HSD17B12: variants seen among roughly 807,000 people sequenced by gnomAD.
The protein encoded by HSD17B12 is very-long-chain 3-oxoacyl-CoA reductase.
HSD17B12 carries 32 observed loss-of-function variants against 39.3 expected under a neutral mutation model. The ratio of observed to expected loss-of-function variants is 0.81; its 90% CI spans 0.61 to 1.09. The LOEUF (loss-of-function observed/expected upper bound fraction) is 1.09, where lower values mean the gene tolerates loss of function less well. HSD17B12 is among the 50% of genes least tolerant of loss of function. The probability of loss-of-function intolerance (pLI) is 0.00; values close to 1 mark genes in which losing one functional copy is unlikely to be tolerated. For synonymous variants in HSD17B12, 150 were observed against 146.7 expected (o/e 1.02, Z -0.16); for missense variants, 342 against 382.9 (o/e 0.89, Z 0.89).
the HSD17B12 span, among the ~76,000 whole-genome samples, chr11:43,617,496 G>A: frequency 6.6e-6 from 1 of 152,218 alleles, no homozygotes; most frequent in South Asian, 2.1e-4. Flanking sequence ...AGCTCTTCCT[G>A]TGATCTTTGA....
intron 4 of HSD17B12, among the ~76,000 whole-genome samples, chr11:43,800,152 A>G (rs889560193): frequency 6.6e-6 from 1 of 152,240 alleles, no homozygotes; most frequent in Non-Finnish European, 1.5e-5. Context: ...ATAAGTCACC[A>G]CTGACATCTG....
chr11:43,704,674 G>A (rs957431659), intron 1 of HSD17B12, among the ~76,000 whole-genome samples: 6 of 152,134 alleles, frequency 3.9e-5, no homozygotes, highest in African/African-American at 1.4e-4. Flanking sequence ...CATGCATATC[G>A]CAGTTCTGGA....
At chr11:43,854,957 T>C in intron 10 of HSD17B12, 93 bp downstream of exon 10, 2 of 1,300,592 alleles carry the variant, frequency 1.5e-6, no homozygotes, top group South Asian at 1.4e-5. Context: ...GATTAGCACA[T>C]ATACATTGTC....
chr11:43,754,145 G>C (rs1435504794), intron 3 of HSD17B12, 24 bp downstream of exon 3: 1 of 1,452,832 alleles, frequency 6.9e-7, no homozygotes. Flanking sequence ...TCAAACAAAA[G>C]GAATACATAG....
At chr11:43,639,784 G>C in the HSD17B12 span, among the ~76,000 whole-genome samples, 73 of 152,328 alleles carry the variant, frequency 4.8e-4, 1 homozygote, top group East Asian at 0.013. Context: ...GTTCTATGTT[G>C]CTGTGAAGCA....
chr11:43,681,064 G>C, intron 1 of HSD17B12, 77 bp downstream of exon 1: 1 of 1,455,836 alleles, frequency 6.9e-7, no homozygotes, highest in Non-Finnish European at 9.1e-7. Context: ...CTAGTTCTGG[G>C]GTCTGCTCCT....
chr11:43,636,880 A>G, the HSD17B12 span, among the ~76,000 whole-genome samples: 1 of 152,152 alleles, frequency 6.6e-6, no homozygotes, highest in South Asian at 2.1e-4. Context: ...TAATCAGAGA[A>G]TTTTCGAGAT....
the HSD17B12 span, among the ~76,000 whole-genome samples, chr11:43,672,075 G>A: frequency 3.9e-5 from 6 of 152,100 alleles, no homozygotes; most frequent in African/African-American, 1.4e-4. Context: ...TAGAGACCGA[G>A]TCTCGCTCTG....
At chr11:43,705,795 G>C (rs986064035) in intron 1 of HSD17B12, among the ~76,000 whole-genome samples, 2 of 114,218 alleles carry the variant, frequency 1.8e-5, no homozygotes, top group Non-Finnish European at 3.4e-5. Context: ...TTGAGATAGG[G>C]TCTTGCTCTG....
chr11:43,727,858 A>G (rs1207836123), intron 1 of HSD17B12, among the ~76,000 whole-genome samples: 1 of 152,070 alleles, frequency 6.6e-6, no homozygotes, highest in Non-Finnish European at 1.5e-5. Flanking sequence ...TATGGCAGTA[A>G]TGTATAGTGG....
the HSD17B12 span, among the ~76,000 whole-genome samples, chr11:43,588,978 T>TTTA: frequency 0.011 from 1,604 of 148,682 alleles, 15 homozygotes; most frequent in African/African-American, 0.022. Flanking sequence ...TCTTTTTGCC[T>TTTA]TTATTATTAT....
rs189838186 is a variant in HSD17B12 at position 43,781,096 on chromosome 11, C to G, written c.284-17224C>G. 5.3e-5 allele frequency among the ~76,000 whole-genome samples: 8 copies of G among 152,206 alleles called. No individual in the cohort carries two copies. In the East Asian group the frequency reaches 1.2e-3, roughly 22 times the overall value. On this transcript the variant is annotated intron_variant, in intron 3 of 10. Transcript: ENST00000278353. Reference sequence around the variant, plus strand: ...TCCCTGTTCTTATCTTGTCTTCCCCCCAACGCCTCCTCATAAGGTCTTGGT... The same window carrying G: ...TCCCTGTTCTTATCTTGTCTTCCCCGCAACGCCTCCTCATAAGGTCTTGGT...
At chr11:43,648,808 T>C in the HSD17B12 span, among the ~76,000 whole-genome samples, 11 of 152,328 alleles carry the variant, frequency 7.2e-5, no homozygotes, top group Non-Finnish European at 1.5e-4. Context: ...CTTGGCTCAC[T>C]GCAACCTCCA....
intron 3 of HSD17B12, among the ~76,000 whole-genome samples, chr11:43,797,627 C>T (rs1189130118): frequency 6.6e-6 from 1 of 152,232 alleles, no homozygotes. Context: ...AAAGTAAATA[C>T]TGTACATTAA....
At chr11:43,749,534 A>G (rs34804222) in intron 1 of HSD17B12, among the ~76,000 whole-genome samples, 56,790 of 151,900 alleles carry the variant, frequency 0.37, 11,133 homozygotes, top group East Asian at 0.68. Flanking sequence ...AGGAGGGAAT[A>G]TTAGATGAAG....
intron 1 of HSD17B12, among the ~76,000 whole-genome samples, chr11:43,706,104 G>A (rs1169361699): frequency 6.6e-6 from 1 of 151,944 alleles, no homozygotes; most frequent in African/African-American, 2.4e-5. Flanking sequence ...GTGGGGTGGG[G>A]GTGTGTCCTT....
the HSD17B12 span, among the ~76,000 whole-genome samples, chr11:43,642,497 T>C: frequency 2.0e-5 from 3 of 151,812 alleles, no homozygotes; most frequent in African/African-American, 4.8e-5. Flanking sequence ...CTTATAGTAC[T>C]GAGAAGAGAG....
At chr11:43,683,212 C>A (rs1008691884) in intron 1 of HSD17B12, among the ~76,000 whole-genome samples, 1 of 150,288 alleles carries the variant, frequency 6.7e-6, no homozygotes, top group Admixed American at 6.6e-5. Context: ...TGATGTAACA[C>A]CATAAGTAAC....
At chr11:43,607,140 T>C in the HSD17B12 span, among the ~76,000 whole-genome samples, 2 of 152,224 alleles carry the variant, frequency 1.3e-5, no homozygotes, top group Admixed American at 6.5e-5. Context: ...TTTGCTTCAT[T>C]ATAGAAATGT....
Sources: gnomAD v4.1 joint callset for allele counts (sites outside exome capture counted in the v4.1 genomes callset) on GRCh38, gnomAD v4.1.1 for gene constraint, MANE v1.5 for transcripts, NCBI Gene and HGNC (gene_info 2026-07-23, HGNC 2026-07-21) for gene names.